Variants in ATP8B4 observed in about 807,000 individuals in gnomAD.
ATP8B4 encodes ATPase phospholipid transporting 8B4 (putative).
In ATP8B4, 133 loss-of-function variants were observed where a neutral mutation model predicts 145.6. The observed-to-expected ratio is 0.91, with a 90% CI of 0.79 to 1.05. The LOEUF is 1.05. ATP8B4 is among the 50% of genes least tolerant of loss of function. The pLI, the probability that ATP8B4 is intolerant of heterozygous loss-of-function variation, is 0.00. For synonymous variants in ATP8B4, 507 were observed against 492.9 expected (o/e 1.03, Z -0.38); for missense variants, 1,458 against 1,425.2 (o/e 1.02, Z -0.37).
intron 14 of ATP8B4, among the ~76,000 whole-genome samples, chr15:49,952,188 G>A (rs898164397): frequency 2.0e-5 from 3 of 152,220 alleles, no homozygotes; most frequent in East Asian, 1.9e-4. Flanking sequence ...TGATCTTCTC[G>A]TGGAGTATCT....
intron 1 of ATP8B4, among the ~76,000 whole-genome samples, chr15:50,129,880 G>A (rs1278325826): frequency 3.3e-5 from 5 of 150,608 alleles, no homozygotes; most frequent in South Asian, 2.1e-4. Flanking sequence ...CCCAGGAGGC[G>A]GAGGCTGCAG....
chr15:50,178,702 C>T (rs898230577), intron 1 of ATP8B4, among the ~76,000 whole-genome samples: 4 of 152,008 alleles, frequency 2.6e-5, no homozygotes, highest in African/African-American at 4.8e-5. Context: ...ACATTGTCTT[C>T]GTCTTTTCTT....
Position 49,934,134 on chromosome 15 carries a change from A to C in ATP8B4, c.1336T>G (p.Phe446Val). The C allele has an allele frequency of 3.1e-6, 5 of 1,612,602 alleles. No individual in the cohort carries two copies. Among genetic ancestry groups the C allele is most frequent in the Non-Finnish European group, 4.2e-6 (5 of 1,179,234 alleles). ...FSVKSQADREFQFFDHHLMES... is the reference protein window; with the variant it reads ...FSVKSQADREVQFFDHHLMES... Reference sequence around the variant, plus strand: ...ATCAGATGGTGGTCAAAGAACTGAAATTCTCTATCCGCTTGAGATTTGACT... The same window carrying C: ...ATCAGATGGTGGTCAAAGAACTGAACTTCTCTATCCGCTTGAGATTTGACT... The change falls in exon 15 of 28, where the codon TTT becomes GTT. Residue 446 changes from phenylalanine (F) to valine (V), a missense_variant. By Grantham distance (50) the Phe-to-Val change is conservative (BLOSUM62 -1). Coordinates refer to ENST00000284509, the MANE Select transcript of ATP8B4 (RefSeq NM_024837.4).
In ATP8B4 at chr15:49,996,492, C is replaced by T. The variant is rs575727829; in HGVS notation, c.589+185G>A. On this transcript the variant is annotated intron_variant, in intron 9 of 27. Coordinates refer to ENST00000284509, the MANE Select transcript of ATP8B4 (RefSeq NM_024837.4). ...TGAAATGAACGATAAACTGATAAAGCCATTCTCTCCTTGGCAAACATTTTT... is the reference window on the plus strand; with the variant it reads ...TGAAATGAACGATAAACTGATAAAGTCATTCTCTCCTTGGCAAACATTTTT... 3.9e-5 allele frequency among the ~76,000 whole-genome samples: 6 copies of T among 152,172 alleles called. No homozygotes were observed. The South Asian group carries it at 1.2e-3, about 32-fold the overall frequency.
At position 50,002,196 on chromosome 15, in the gene ATP8B4, C is replaced by T; in HGVS notation, c.463G>A (p.Glu155Lys). Reference sequence around the variant, plus strand: ...TCAACATAACAGAGACCATGTGGCTCACTACTTGATAGGAGAAGTAAATCA... The same window carrying T: ...TCAACATAACAGAGACCATGTGGCTTACTACTTGATAGGAGAAGTAAATCA... ...AADLLLLSSS[E>K]PHGLCYVETA... is the part of the protein sequence containing the mutation. The change falls in exon 8 of 28, where the codon GAG becomes AAG. Residue 155 changes from glutamate (E) to lysine (K), a missense_variant. Coordinates refer to ENST00000284509, the MANE Select transcript of ATP8B4 (RefSeq NM_024837.4). The T allele has an allele frequency of 1.2e-6, 2 of 1,610,986 alleles. No homozygotes were observed. Among genetic ancestry groups the T allele is most frequent in the Non-Finnish European group, 1.7e-6 (2 of 1,177,928 alleles).
intron 2 of ATP8B4, among the ~76,000 whole-genome samples, chr15:50,087,868 T>A (rs552831843): frequency 1.3e-5 from 2 of 152,214 alleles, no homozygotes; most frequent in African/African-American, 4.8e-5. Flanking sequence ...AATTGTTATA[T>A]GAGAGGCAAT....
At chr15:50,074,517 T>C (rs953658748) in intron 2 of ATP8B4, among the ~76,000 whole-genome samples, 2 of 152,216 alleles carry the variant, frequency 1.3e-5, no homozygotes, top group Non-Finnish European at 2.9e-5. Flanking sequence ...CAAAGTCAAA[T>C]GCATCCTGGC....
chr15:49,919,001 T>G (rs2040006311), intron 18 of ATP8B4, 51 bp from the exon 19 acceptor site: 1 of 1,283,878 alleles, frequency 7.8e-7, no homozygotes, highest in African/African-American at 1.5e-5. Context: ...AAACAATATC[T>G]ATAACATCTA....
At chr15:49,973,508 G>C (rs555606700) in intron 12 of ATP8B4, among the ~76,000 whole-genome samples, 1 of 152,208 alleles carries the variant, frequency 6.6e-6, no homozygotes, top group Non-Finnish European at 1.5e-5. Context: ...ATAGAAAACA[G>C]TATTTCCATG....
chr15:49,943,519 T>C (rs555169720), intron 14 of ATP8B4, among the ~76,000 whole-genome samples: 1 of 152,062 alleles, frequency 6.6e-6, no homozygotes, highest in Non-Finnish European at 1.5e-5. Context: ...AGATCATCAG[T>C]AGATTTTCCA....
chr15:50,020,665 C>T (rs905581904), intron 6 of ATP8B4, among the ~76,000 whole-genome samples: 2 of 152,186 alleles, frequency 1.3e-5, no homozygotes, highest in African/African-American at 4.8e-5. Context: ...ACCACCACCA[C>T]CACCACATGC....
intron 14 of ATP8B4, among the ~76,000 whole-genome samples, chr15:49,959,432 C>G (rs1443365581): frequency 4.0e-5 from 6 of 151,792 alleles, no homozygotes; most frequent in African/African-American, 1.5e-4. Flanking sequence ...TAAAAAAAGA[C>G]CATATTACTT....
At chr15:50,042,913 G>A (rs28573277) in intron 5 of ATP8B4, among the ~76,000 whole-genome samples, 4,675 of 152,236 alleles carry the variant, frequency 0.031, 246 homozygotes, top group African/African-American at 0.11. Context: ...GGGCCATATA[G>A]AAAGCAACAG....
chr15:50,127,124 C>T (rs931413448), intron 1 of ATP8B4, among the ~76,000 whole-genome samples: 5 of 152,154 alleles, frequency 3.3e-5, no homozygotes, highest in African/African-American at 1.2e-4. Flanking sequence ...AAGATGTCTC[C>T]CCCTTTTTAG....
chr15:49,973,749 C>T (rs138080609), intron 12 of ATP8B4, among the ~76,000 whole-genome samples: 14 of 152,288 alleles, frequency 9.2e-5, no homozygotes, highest in Non-Finnish European at 2.1e-4. Flanking sequence ...CAATGCTCAA[C>T]GTCATACATA....
intron 7 of ATP8B4, among the ~76,000 whole-genome samples, chr15:50,007,461 T>C (rs1450556329): frequency 6.6e-6 from 1 of 152,238 alleles, no homozygotes; most frequent in Non-Finnish European, 1.5e-5. Context: ...GCGAGCTGTT[T>C]GACGGCACTG....
chr15:49,901,913 A>G (rs2038083594), intron 20 of ATP8B4: 1 of 361,966 alleles, frequency 2.8e-6, no homozygotes, highest in African/African-American at 2.2e-5. Flanking sequence ...TTCCAAATGG[A>G]AACGCCCTCC....
intron 23 of ATP8B4, chr15:49,896,160 T>TA (rs1358534574): frequency 6.6e-6 from 1 of 152,112 alleles, no homozygotes; most frequent in Admixed American, 6.6e-5. Flanking sequence ...TCTGAGTAGC[T>TA]AAAATCAAGA....
chr15:50,046,122 T>C (rs937189330), intron 4 of ATP8B4, among the ~76,000 whole-genome samples: 31 of 150,944 alleles, frequency 2.1e-4, no homozygotes, highest in African/African-American at 7.6e-4. Flanking sequence ...TGGCATATGA[T>C]CTTGGTTAAG....
Sources: gnomAD v4.1 joint callset for allele counts (sites outside exome capture counted in the v4.1 genomes callset) on GRCh38, gnomAD v4.1.1 for gene constraint, MANE v1.5 for transcripts, NCBI Gene and HGNC (gene_info 2026-07-23, HGNC 2026-07-21) for gene names.